Variants in SF3A1 observed in about 807,000 individuals in gnomAD.
SF3A1 encodes the protein SAP 114.
A neutral mutation model predicts 89.9 loss-of-function variants in SF3A1; 13 were observed. That is an observed-to-expected ratio of 0.14 (90% CI 0.09 to 0.23). The LOEUF (loss-of-function observed/expected upper bound fraction) is 0.23. Ranked by LOEUF, SF3A1 falls within the 10% of genes least tolerant of loss-of-function variation. The pLI is 1.00. For missense variants in SF3A1, 604 were observed against 1,022.1 expected, an observed-to-expected ratio of 0.59 and a Z score of 5.58; for synonymous variants, 405 against 374.4, an observed-to-expected ratio of 1.08 and a Z score of -0.94.
intron 4 of SF3A1, 32 bp downstream of exon 4, chr22:30,344,901 C>T (rs1931372518): frequency 6.2e-7 from 1 of 1,605,214 alleles, no homozygotes; most frequent in Non-Finnish European, 8.5e-7. Flanking sequence ...CTTTCCTGGG[C>T]CCAGGACCCC....
At chr22:30,350,453 G>A (rs374886703) in intron 2 of SF3A1, among the ~76,000 whole-genome samples, 2 of 152,230 alleles carry the variant, frequency 1.3e-5, no homozygotes, top group African/African-American at 4.8e-5. Flanking sequence ...CTGCACTCCT[G>A]CCTGCGTGTC....
chr22:30,341,122 G>A (rs1323578035), intron 7 of SF3A1, among the ~76,000 whole-genome samples: 1 of 152,138 alleles, frequency 6.6e-6, no homozygotes, highest in Non-Finnish European at 1.5e-5. Flanking sequence ...GCGAGGGGTG[G>A]GGGCGGCGAG....
intron 9 of SF3A1, 148 bp downstream of exon 9, chr22:30,340,048 G>T: frequency 1.6e-6 from 1 of 632,622 alleles, no homozygotes; most frequent in South Asian, 3.0e-5. Flanking sequence ...AGTTCTTCTG[G>T]AAAGTGGGGA....
chr22:30,337,518 G>A (rs935522541), intron 12 of SF3A1, among the ~76,000 whole-genome samples, 172 bp downstream of exon 12: 4 of 152,196 alleles, frequency 2.6e-5, no homozygotes, highest in Admixed American at 6.5e-5. Flanking sequence ...TACCAGGAAC[G>A]GTGGCTCCCA....
Position 30,333,061 on chromosome 22 carries a change from C to T in SF3A1, c.*1533G>A, listed in dbSNP as rs918375255. Reference sequence around the variant, plus strand: ...ACCAGTAGTGGGCTCACTTTAGGGACGCAAACCACAAAGCCCACCTCAGGA... The same window carrying T: ...ACCAGTAGTGGGCTCACTTTAGGGATGCAAACCACAAAGCCCACCTCAGGA... On this transcript the variant is annotated 3_prime_UTR_variant, in exon 16 of 16. Coordinates refer to ENST00000215793, the MANE Select transcript of SF3A1 (RefSeq NM_005877.6). 2.6e-5 allele frequency: 4 copies of T among 152,202 alleles called. No individual in the cohort carries two copies. The highest frequency in any genetic ancestry group is 7.2e-5 in the African/African-American group (3 of 41,436). The allele number at this position is 152,202 out of a possible 1,614,324, so 9.4% of individuals were successfully genotyped here.
chr22:30,341,320 A>AG lies in SF3A1; in HGVS notation c.1071+371dup, dbSNP rs1931246584. ...CTTGAAGGGGGTAGGGATGCCTGAA[A>AG]GGAAGCGTGGGCTACATTTAGAAAA... is the stretch of plus-strand genomic sequence containing the variant. On this transcript the variant is annotated intron_variant, in intron 7 of 15. Transcript: ENST00000215793. Among the ~76,000 whole-genome samples, 7 of 152,286 alleles carry AG rather than the reference A, an allele frequency of 4.6e-5. No homozygotes were observed. The South Asian group carries it at 1.4e-3, about 32-fold the overall frequency.
chr22:30,344,190 CCTAG>C (rs34505551), intron 4 of SF3A1, among the ~76,000 whole-genome samples: 30,502 of 152,080 alleles, frequency 0.2, 3,295 homozygotes, highest in Middle Eastern at 0.35. Context: ...CCTGCCACCT[CCTAG>C]CTATGTGACC....
At chr22:30,337,237 G>C in intron 12 of SF3A1, 57 bp from the exon 13 acceptor site, 1 of 1,497,920 alleles carries the variant, frequency 6.7e-7, no homozygotes, top group South Asian at 1.3e-5. Flanking sequence ...CAGGACTCAG[G>C]GCTGATGAGA....
At position 30,334,556 on chromosome 22, in the gene SF3A1, G is replaced by T; in HGVS notation, c.*38C>A. On this transcript the variant is annotated 3_prime_UTR_variant, in exon 16 of 16. Transcript: ENST00000215793. ...GGGGCAGGGGGTGGGAGACAGGAGA[G>T]GCAAAATGGCAGGGACTTGACAGCA... 1 of 1,399,968 alleles carries T rather than the reference G, an allele frequency of 7.1e-7. No individual in the cohort carries two copies. The highest frequency in any genetic ancestry group is 9.7e-7 in the Non-Finnish European group (1 of 1,027,616). The allele number at this position is 1,399,968 out of a possible 1,614,324, so 86.7% of individuals were successfully genotyped here.
intron 3 of SF3A1, among the ~76,000 whole-genome samples, chr22:30,346,016 C>T (rs1931407330): frequency 6.6e-6 from 1 of 152,162 alleles, no homozygotes; most frequent in Admixed American, 6.5e-5. Context: ...TGAGCAAGGC[C>T]TTGAATAAAT....
At chr22:30,344,687 A>ATGTGTCACATAGC (rs1931364779) in intron 4 of SF3A1, among the ~76,000 whole-genome samples, 1 of 152,258 alleles carries the variant, frequency 6.6e-6, no homozygotes, top group African/African-American at 2.4e-5. Flanking sequence ...CATAGCAGGC[A>ATGTGTCACATAGC]ATCGCCTAAT....
rs552992047 is a variant in SF3A1, at chr22:30,348,607, C to T, written c.186-2088G>A. Among the ~76,000 whole-genome samples, 8 of 152,306 alleles carry T rather than the reference C, an allele frequency of 5.3e-5. No homozygotes were observed. The East Asian group carries it at 1.4e-3, about 26-fold the overall frequency. On this transcript the variant is annotated intron_variant, in intron 2 of 15. Coordinates refer to ENST00000215793, the MANE Select transcript of SF3A1 (RefSeq NM_005877.6). Reference sequence around the variant, plus strand: ...TAGTGATCGACACCCAGGCTGGCTCCTCAGCAAGTCGTGGTCATACCCTGC... The same window carrying T: ...TAGTGATCGACACCCAGGCTGGCTCTTCAGCAAGTCGTGGTCATACCCTGC...
chr22:30,338,751 C>A, intron 11 of SF3A1, 38 bp downstream of exon 11: 11 of 1,612,526 alleles, frequency 6.8e-6, no homozygotes, highest in Non-Finnish European at 9.3e-6. Context: ...AAGAATGAAG[C>A]TCTAAAAAAG....
chr22:30,355,279 G>A (rs990602659), intron 1 of SF3A1, among the ~76,000 whole-genome samples: 1 of 152,170 alleles, frequency 6.6e-6, no homozygotes. Flanking sequence ...CCAAACTGCT[G>A]GAATTACAGG....
At chr22:30,338,597 C>T (rs551319116) in intron 11 of SF3A1, among the ~76,000 whole-genome samples, 192 bp downstream of exon 11, 1 of 152,260 alleles carries the variant, frequency 6.6e-6, no homozygotes, top group East Asian at 1.9e-4. Flanking sequence ...ACCTCCCTCC[C>T]TGTTCCAACC....
chr22:30,350,123 T>C (rs1931541014), intron 2 of SF3A1, among the ~76,000 whole-genome samples: 1 of 151,752 alleles, frequency 6.6e-6, no homozygotes, highest in African/African-American at 2.4e-5. Flanking sequence ...GGAAAGAAAA[T>C]GCTCAGAGAT....
chr22:30,340,905 G>A (rs946098603), intron 7 of SF3A1, 93 bp from the exon 8 acceptor site: 6 of 775,800 alleles, frequency 7.7e-6, no homozygotes, highest in Middle Eastern at 2.6e-4. Flanking sequence ...AAGGAGCCTT[G>A]GCCTCTGCCA....
intron 1 of SF3A1, among the ~76,000 whole-genome samples, chr22:30,355,473 G>A (rs960907843): frequency 8.5e-5 from 13 of 152,132 alleles, no homozygotes; most frequent in Non-Finnish European, 1.3e-4. Flanking sequence ...TTGGAATAGC[G>A]TGACTGGCCT....
In SF3A1 at chr22:30,352,897, T is replaced by C. The variant is rs1034382059; in HGVS notation, c.185+54A>G. 2.5e-5 allele frequency: 40 copies of C among 1,605,242 alleles called. 1 individual carries two copies. In the South Asian group the frequency reaches 4.4e-4, roughly 18 times the overall value. ...AAAAACCCTTGTGCTGATTCAGTGC[T>C]GAAGTCTCTTCATGCTGAAACCCAC... is the stretch of plus-strand genomic sequence containing the variant. On this transcript the variant is annotated intron_variant, in intron 2 of 15. Coordinates refer to ENST00000215793, the MANE Select transcript of SF3A1 (RefSeq NM_005877.6).
Sources: allele counts gnomAD v4.1 joint callset (sites outside exome capture counted in the v4.1 genomes callset), GRCh38; gene constraint gnomAD v4.1.1; transcripts MANE v1.5; gene names NCBI Gene and HGNC (gene_info 2026-07-23, HGNC 2026-07-21).